The following IL3RA variants were observed in gnomAD, a reference collection of about 807,000 sequenced individuals.
IL3RA encodes interleukin 3 receptor subunit alpha, also known as interleukin-3 receptor subunit alpha.
Under a neutral mutation model 52.3 loss-of-function variants are expected in IL3RA, and 73 were observed. The ratio of observed to expected loss-of-function variants is 1.40; its 90% CI spans 1.16 to 1.70. The LOEUF is 1.70. Among genes scored for constraint, IL3RA ranks in the 40% most tolerant of loss-of-function variants. The probability of loss-of-function intolerance (pLI) is 0.00; values close to 1 mark genes in which losing one functional copy is unlikely to be tolerated. For missense variants in IL3RA, 664 were observed against 504.4 expected, an observed-to-expected ratio of 1.32 and a Z score of -3.03; for synonymous variants, 260 against 194.0, an observed-to-expected ratio of 1.34 and a Z score of -2.83.
At chrX:1,361,952 G>A (rs765527432) in intron 8 of IL3RA, among the ~76,000 whole-genome samples, 1 of 151,784 alleles carries the variant, frequency 6.6e-6, no homozygotes, top group Non-Finnish European at 1.5e-5. Flanking sequence ...GATTTGGGTG[G>A]GGACACAGCC....
Position 1,381,067 on chromosome X carries a change from A to C in IL3RA, c.1025A>C (p.Lys342Thr), listed in dbSNP as rs765396485. The change falls in exon 11 of 12, where the codon AAA becomes ACA. Residue 342 changes from lysine (K) to threonine (T), a missense_variant. Coordinates refer to ENST00000331035, the MANE Select transcript of IL3RA (RefSeq NM_002183.4). ...QRLFPRIPHMKDPIGDSFQND... is the reference protein window; with the variant it reads ...QRLFPRIPHMTDPIGDSFQND... ...CTCTTTCCCCGCATCCCTCACATGA[A>C]AGACCCCATCGGTGACAGCTTCCAA... 6.2e-7 allele frequency: 1 copy of C among 1,613,730 alleles called. No individual in the cohort carries two copies. Among genetic ancestry groups the C allele is most frequent in the South Asian group, 1.1e-5 (1 of 91,048 alleles).
At position 1,363,461 on chromosome X, in the gene IL3RA, C is replaced by T. The variant is rs185273769; in HGVS notation, c.760-1677C>T. 1.7e-3 allele frequency among the ~76,000 whole-genome samples: 255 copies of T among 151,780 alleles called. 4 individuals are homozygous for T. Among genetic ancestry groups the T allele is most frequent in the African/African-American group, 5.7e-3 (236 of 41,418 alleles). On this transcript the variant is annotated intron_variant, in intron 8 of 11. Transcript: ENST00000331035. ...GACCTCAGGCGCCCGCCACCGGGCC[C>T]GGCTAATTTTTTGTATTTTTAGTAG...
chrX:1,350,825 G>A (rs2086050691), intron 4 of IL3RA, among the ~76,000 whole-genome samples: 1 of 151,846 alleles, frequency 6.6e-6, no homozygotes. Context: ...CTTGAACCTG[G>A]GAGGCGGAGG....
intron 11 of IL3RA, among the ~76,000 whole-genome samples, chrX:1,381,743 CA>C (rs1944301795): frequency 1.3e-5 from 2 of 150,868 alleles, no homozygotes; most frequent in African/African-American, 4.9e-5. Flanking sequence ...GGGGTTTCAC[CA>C]TGTTGGCCAG....
intron 8 of IL3RA, among the ~76,000 whole-genome samples, chrX:1,362,769 T>TTTTA (rs757287987): frequency 0.46 from 69,052 of 149,094 alleles, 16,931 homozygotes; most frequent in African/African-American, 0.62. Context: ...CGTGTCTCCT[T>TTTTA]TTTATTTATT....
chrX:1,358,779 G>A, intron 7 of IL3RA, 82 bp from the exon 8 acceptor site: 2 of 1,517,340 alleles, frequency 1.3e-6, no homozygotes, highest in Admixed American at 1.7e-5. Context: ...GGTTTTCCTG[G>A]AGGGAGAAAT....
Position 1,356,204 on chromosome X carries a change from G to A in IL3RA, c.617-17G>A. The A allele has an allele frequency of 6.8e-7, 1 of 1,472,040 alleles. No homozygotes were observed. Among genetic ancestry groups the A allele is most frequent in the Non-Finnish European group, 9.4e-7 (1 of 1,061,038 alleles). The allele number at this position is 1,472,040 out of a possible 1,614,324, so 91.2% of individuals were successfully genotyped here. ...TCTTGTACTCCTAAATCCTAAAAGTGTTTTTCTCGTTGCTAGAGATATTAA... is the reference window on the plus strand; with the variant it reads ...TCTTGTACTCCTAAATCCTAAAAGTATTTTTCTCGTTGCTAGAGATATTAA... On this transcript the variant is annotated splice_polypyrimidine_tract_variant and intron_variant, in intron 6 of 11. Coordinates refer to ENST00000331035, the MANE Select transcript of IL3RA (RefSeq NM_002183.4).
intron 8 of IL3RA, among the ~76,000 whole-genome samples, chrX:1,362,112 G>A (rs1275736509): frequency 1.4e-5 from 2 of 147,892 alleles, no homozygotes; most frequent in Non-Finnish European, 3.0e-5. Flanking sequence ...CACCCACTCT[G>A]TCTCTTTGTC....
Position 1,348,492 on chromosome X carries a change from C to T in IL3RA, c.245C>T (p.Thr82Ile), listed in dbSNP as rs764239996. Residue 82 changes from threonine (T) to isoleucine (I), a missense_variant, in exon 4 of 12, where the codon ACC becomes ATC. Coordinates refer to ENST00000331035, the MANE Select transcript of IL3RA (RefSeq NM_002183.4). ...TCCTTATGTGAAGTGACCAACTACA[C>T]CGTCCGAGTGGCCAACCCACCATTC... Reference protein sequence around the residue: ...AISLCEVTNYTVRVANPPFST... With the variant: ...AISLCEVTNYIVRVANPPFST... The T allele has an allele frequency of 8.1e-6, 13 of 1,613,922 alleles. No individual in the cohort carries two copies. Among genetic ancestry groups the T allele is most frequent in the South Asian group, 6.6e-5 (6 of 91,078 alleles).
Position 1,354,505 on chromosome X carries a change from GAGA to G in IL3RA, c.617-1713_617-1711del, listed in dbSNP as rs750492616. On this transcript the variant is annotated intron_variant, in intron 6 of 11. Coordinates refer to ENST00000331035, the MANE Select transcript of IL3RA (RefSeq NM_002183.4). ...AGAACATGAGCAGGGGGAGGAGGAG[GAGA>G]AGGAAAAGAAACAGAGGAAAAGGAG... Among the ~76,000 whole-genome samples, 658 of 140,170 alleles carry G rather than the reference GAGA, an allele frequency of 4.7e-3. 3 individuals carry two copies. Among genetic ancestry groups the G allele is most frequent in the Non-Finnish European group, 7.3e-3 (483 of 66,462 alleles). 92.0% of individuals were successfully genotyped at this position (140,170 alleles called of 152,430 possible). A position where few individuals can be genotyped will look rare whatever the true frequency, so the allele number is the denominator to read the frequency against.
intron 7 of IL3RA, among the ~76,000 whole-genome samples, chrX:1,358,010 C>A (rs2086870431): frequency 6.6e-6 from 1 of 150,632 alleles, no homozygotes; most frequent in South Asian, 2.1e-4. Context: ...GAGGCTGAGG[C>A]AGGAGAATGG....
At chrX:1,362,988 T>C (rs1322248637) in intron 8 of IL3RA, among the ~76,000 whole-genome samples, 2 of 151,962 alleles carry the variant, frequency 1.3e-5, no homozygotes, top group East Asian at 3.9e-4. Context: ...GTTGCTCAGG[T>C]TGACCTCGAA....
intron 9 of IL3RA, among the ~76,000 whole-genome samples, chrX:1,368,128 G>A (rs1176484600): frequency 6.6e-6 from 1 of 152,104 alleles, no homozygotes; most frequent in Non-Finnish European, 1.5e-5. Flanking sequence ...GCGTGGTGAT[G>A]GGCGCCTGTA....
At chrX:1,343,215 C>G (rs191459872) in intron 2 of IL3RA, among the ~76,000 whole-genome samples, 1 of 152,192 alleles carries the variant, frequency 6.6e-6, no homozygotes, top group East Asian at 1.9e-4. Flanking sequence ...TCCCGCTTAT[C>G]AAACCAAGGT....
chrX:1,380,406 G>A (rs1490448138), intron 10 of IL3RA, among the ~76,000 whole-genome samples: 1 of 56,700 alleles, frequency 1.8e-5, no homozygotes, highest in African/African-American at 8.2e-5. Context: ...TGTCTCCCGG[G>A]GGAAGGGGGA....
chrX:1,342,425 C>CA (rs2085528263), intron 2 of IL3RA, among the ~76,000 whole-genome samples: 1 of 152,002 alleles, frequency 6.6e-6, no homozygotes, highest in Non-Finnish European at 1.5e-5. Context: ...CTTGGCCTCC[C>CA]AAAGTGCTGG....
At chrX:1,363,957 T>G (rs1243571135) in intron 8 of IL3RA, among the ~76,000 whole-genome samples, 4 of 149,260 alleles carry the variant, frequency 2.7e-5, no homozygotes, top group Admixed American at 2.0e-4. Context: ...CCGAGGCGGG[T>G]GGATCATGAG....
intron 9 of IL3RA, among the ~76,000 whole-genome samples, chrX:1,378,197 A>AG (rs2088928440): frequency 6.9e-6 from 1 of 144,162 alleles, no homozygotes; most frequent in Non-Finnish European, 1.5e-5. Context: ...AAAAAAAAAA[A>AG]AGAAAAAGAA....
intron 7 of IL3RA, 147 bp downstream of exon 7, chrX:1,356,483 C>CAAA (rs2086726420): frequency 1.6e-6 from 1 of 631,718 alleles, no homozygotes. Flanking sequence ...AAAACAAAAA[C>CAAA]AAAAGGCCGG....
Sources: allele counts gnomAD v4.1 joint callset (sites outside exome capture counted in the v4.1 genomes callset), GRCh38; gene constraint gnomAD v4.1.1; transcripts MANE v1.5; gene names NCBI Gene and HGNC (gene_info 2026-07-23, HGNC 2026-07-21).